RNGTT: variants seen among roughly 807,000 people sequenced by gnomAD.
RNGTT encodes mRNA-capping enzyme.
Under a neutral mutation model 79.3 loss-of-function variants are expected in RNGTT, and 33 were observed. The observed-to-expected ratio is 0.42, with a 90% CI of 0.32 to 0.56. RNGTT has a LOEUF of 0.56. Ranked by LOEUF, RNGTT falls within the 20% of genes least tolerant of loss-of-function variation. RNGTT has a pLI of 0.17. For missense variants in RNGTT, 497 were observed against 739.1 expected, an observed-to-expected ratio of 0.67 and a Z score of 3.80; for synonymous variants, 222 against 235.9, an observed-to-expected ratio of 0.94 and a Z score of 0.54.
chr6:88,913,182 CCAGTAGAGTGAAGCTCTGTCTCA>C (rs1783883450), intron 4 of RNGTT, among the ~76,000 whole-genome samples: 1 of 146,956 alleles, frequency 6.8e-6, no homozygotes, highest in Admixed American at 6.8e-5. Flanking sequence ...TCCAGCCTGG[CCAGTAGAGTGAAGCTCTGTCTCA>C]AAAAAAAACA....
chr6:88,925,806 G>C (rs76266822), intron 4 of RNGTT, among the ~76,000 whole-genome samples: 1 of 152,184 alleles, frequency 6.6e-6, no homozygotes, highest in Non-Finnish European at 1.5e-5. Flanking sequence ...ACAGGAGTTC[G>C]AGGCTGTAGT....
chr6:88,955,892 T>C (rs1785413700), intron 1 of RNGTT, among the ~76,000 whole-genome samples: 1 of 151,618 alleles, frequency 6.6e-6, no homozygotes, highest in African/African-American at 2.4e-5. Context: ...ACAAAAAAAT[T>C]AGCCGGGTGT....
chr6:88,733,329 A>G (rs1374492298), intron 13 of RNGTT, among the ~76,000 whole-genome samples: 1 of 152,080 alleles, frequency 6.6e-6, no homozygotes, highest in African/African-American at 2.4e-5. Flanking sequence ...GTGCCACTGA[A>G]GCTTGAGCAA....
chr6:88,895,519 C>T (rs543706230), intron 6 of RNGTT, among the ~76,000 whole-genome samples: 1 of 152,148 alleles, frequency 6.6e-6, no homozygotes, highest in Admixed American at 6.6e-5. Context: ...CCAAAGAGAA[C>T]TATCAGAATT....
intron 14 of RNGTT, among the ~76,000 whole-genome samples, chr6:88,671,844 G>A (rs898650997): frequency 2.0e-5 from 3 of 151,942 alleles, no homozygotes; most frequent in Admixed American, 2.0e-4. Context: ...AATGAAAACA[G>A]AGTGGGAAAA....
At chr6:88,825,566 G>T (rs1192712367) in intron 11 of RNGTT, among the ~76,000 whole-genome samples, 1 of 152,168 alleles carries the variant, frequency 6.6e-6, no homozygotes, top group Non-Finnish European at 1.5e-5. Flanking sequence ...TTCCAAATCA[G>T]TGTGTATATG....
chr6:88,739,923 A>G (rs1777427364), intron 13 of RNGTT, among the ~76,000 whole-genome samples: 1 of 151,706 alleles, frequency 6.6e-6, no homozygotes, highest in Non-Finnish European at 1.5e-5. Flanking sequence ...AATTTTTTAA[A>G]GTAATACATA....
At chr6:88,779,993 CAAAT>C (rs886327701) in intron 12 of RNGTT, among the ~76,000 whole-genome samples, 39 of 151,730 alleles carry the variant, frequency 2.6e-4, no homozygotes, top group African/African-American at 8.2e-4. Flanking sequence ...GACTCTGTCT[CAAAT>C]AAATAAATTA....
chr6:88,818,536 T>C (rs934019935), intron 11 of RNGTT, among the ~76,000 whole-genome samples: 1 of 152,106 alleles, frequency 6.6e-6, no homozygotes, highest in Non-Finnish European at 1.5e-5. Flanking sequence ...GATCCTGCCA[T>C]TGCACTCCAG....
intron 13 of RNGTT, among the ~76,000 whole-genome samples, chr6:88,751,458 T>C (rs138132684): frequency 7.9e-4 from 120 of 152,276 alleles, no homozygotes; most frequent in African/African-American, 2.7e-3. Context: ...ATATTAACTA[T>C]AGTAATTTAG....
rs188139183 is a variant in RNGTT, at chr6:88,714,979, A to T, written c.1440-36560T>A. Among the ~76,000 whole-genome samples the T allele has an allele frequency of 9.5e-4, 145 of 152,290 alleles. 1 individual carries two copies. Among genetic ancestry groups the T allele is most frequent in the Admixed American group, 9.0e-3 (137 of 15,302 alleles). The stretch of plus-strand genomic sequence containing the variant: ...GTTCTGGCCAGGGCAATTAGCCAGG[A>T]GAAGGAAATAAAGGGTATTCAATTA... On this transcript the variant is annotated intron_variant, in intron 13 of 15. Coordinates refer to ENST00000369485, the MANE Select transcript of RNGTT (RefSeq NM_003800.5).
intron 6 of RNGTT, among the ~76,000 whole-genome samples, chr6:88,895,504 T>C (rs939645424): frequency 9.2e-5 from 14 of 152,088 alleles, no homozygotes; most frequent in African/African-American, 3.4e-4. Context: ...GCCACAGTTA[T>C]AAACCCAAAG....
At chr6:88,957,862 C>G (rs1785485891) in intron 1 of RNGTT, among the ~76,000 whole-genome samples, 1 of 152,114 alleles carries the variant, frequency 6.6e-6, no homozygotes, top group African/African-American at 2.4e-5. Context: ...TCATTCTTCA[C>G]AGAACCAGAA....
chr6:88,618,825 C>T (rs1772332824), intron 14 of RNGTT, among the ~76,000 whole-genome samples: 1 of 152,166 alleles, frequency 6.6e-6, no homozygotes. Flanking sequence ...AAAAGTTTCA[C>T]TTATTAATTT....
intron 11 of RNGTT, among the ~76,000 whole-genome samples, chr6:88,837,721 A>G (rs939331196): frequency 6.6e-6 from 1 of 152,130 alleles, no homozygotes; most frequent in Non-Finnish European, 1.5e-5. Flanking sequence ...AAAAAATAGT[A>G]TTCGATCTAT....
Position 88,826,816 on chromosome 6 carries a change from A to ATGTG in RNGTT, c.1269+17537_1269+17540dup, listed in dbSNP as rs1254094074. Among the ~76,000 whole-genome samples, 469 of 92,138 alleles carry ATGTG rather than the reference A, an allele frequency of 5.1e-3. 5 individuals are homozygous for ATGTG. Among genetic ancestry groups the ATGTG allele is most frequent in the African/African-American group, 0.02 (424 of 20,980 alleles). The allele number at this position is 92,138 out of a possible 152,430, so 60.4% of individuals were successfully genotyped here. The stretch of plus-strand genomic sequence containing the variant: ...AAAAAAAAAATATATATATATATAT[A>ATGTG]TGTGTGTGTATATATATATATATAT... On this transcript the variant is annotated intron_variant, in intron 11 of 15. Transcript: ENST00000369485.
At chr6:88,954,119 G>A (rs965150293) in intron 1 of RNGTT, among the ~76,000 whole-genome samples, 44 of 152,106 alleles carry the variant, frequency 2.9e-4, no homozygotes, top group African/African-American at 1.0e-3. Flanking sequence ...GAATAGAACA[G>A]TACCTTATCT....
At position 88,612,715 on chromosome 6, in the gene RNGTT, G is replaced by C. The variant is rs762270319; in HGVS notation, c.*4C>G. The C allele has an allele frequency of 4.3e-6, 7 of 1,610,830 alleles. No homozygotes were observed. In the South Asian group the frequency reaches 6.6e-5, roughly 15 times the overall value. Reference sequence around the variant, plus strand: ...CTTCTTAACCCTCAAGTCACAGGCAGGTCTTAGGTTAAAGGGCGTGGTCTT... The same window carrying C: ...CTTCTTAACCCTCAAGTCACAGGCACGTCTTAGGTTAAAGGGCGTGGTCTT... On this transcript the variant is annotated 3_prime_UTR_variant, in exon 16 of 16. Coordinates refer to ENST00000369485, the MANE Select transcript of RNGTT (RefSeq NM_003800.5).
intron 12 of RNGTT, among the ~76,000 whole-genome samples, chr6:88,772,875 C>A (rs1458494837): frequency 2.0e-5 from 3 of 152,020 alleles, no homozygotes; most frequent in East Asian, 1.9e-4. Context: ...GTTGGTGGGA[C>A]TGTAAACTAG....
Sources: gnomAD v4.1 joint callset for allele counts (sites outside exome capture counted in the v4.1 genomes callset) on GRCh38, gnomAD v4.1.1 for gene constraint, MANE v1.5 for transcripts, NCBI Gene and HGNC (gene_info 2026-07-23, HGNC 2026-07-21) for gene names.